SLC41A2: variants seen among roughly 807,000 people sequenced by gnomAD.
The protein encoded by SLC41A2 is solute carrier family 41 member 2, also known as SLC41A1-like 1.
A neutral mutation model predicts 58.3 loss-of-function variants in SLC41A2; 32 were observed. That is an observed-to-expected ratio of 0.55 (90% CI 0.41 to 0.74). The LOEUF is 0.74. Ranked by LOEUF, SLC41A2 falls within the 30% of genes least tolerant of loss-of-function variation. SLC41A2 has a pLI of 0.00. For synonymous variants in SLC41A2, 190 were observed against 235.0 expected (o/e 0.81, Z 1.75); for missense variants, 514 against 680.6 (o/e 0.76, Z 2.72).
At chr12:104,922,371 T>C (rs2046637644) in intron 2 of SLC41A2, among the ~76,000 whole-genome samples, 1 of 152,110 alleles carries the variant, frequency 6.6e-6, no homozygotes, top group Non-Finnish European at 1.5e-5. Flanking sequence ...AGAATAGCTA[T>C]ATTTATGCTA....
At chr12:104,871,833 G>A (rs760635659) in intron 6 of SLC41A2, among the ~76,000 whole-genome samples, 4 of 152,116 alleles carry the variant, frequency 2.6e-5, no homozygotes, top group Non-Finnish European at 4.4e-5. Context: ...AAATAAGAAC[G>A]CAGTTTTGTC....
At chr12:104,899,076 G>A (rs1423832565) in intron 3 of SLC41A2, among the ~76,000 whole-genome samples, 1 of 152,034 alleles carries the variant, frequency 6.6e-6, no homozygotes, top group Non-Finnish European at 1.5e-5. Context: ...CTGATGGTGG[G>A]AATGCAAAAT....
chr12:104,955,534 C>T (rs1427273401), intron 1 of SLC41A2, among the ~76,000 whole-genome samples: 1 of 152,152 alleles, frequency 6.6e-6, no homozygotes, highest in Non-Finnish European at 1.5e-5. Flanking sequence ...CTATAAATTC[C>T]CATTTGCCCA....
chr12:104,913,975 T>A (rs902575781), intron 2 of SLC41A2, among the ~76,000 whole-genome samples: 1 of 152,014 alleles, frequency 6.6e-6, no homozygotes, highest in Non-Finnish European at 1.5e-5. Flanking sequence ...GGCAGGAGAA[T>A]CGCCTGAACC....
At chr12:104,905,635 C>G (rs970925223) in intron 3 of SLC41A2, among the ~76,000 whole-genome samples, 14 of 152,194 alleles carry the variant, frequency 9.2e-5, no homozygotes, top group African/African-American at 2.9e-4. Context: ...GCATGGCAGG[C>G]TGCAGGTCCT....
intron 8 of SLC41A2, among the ~76,000 whole-genome samples, chr12:104,856,877 T>C (rs1452412757): frequency 6.6e-6 from 1 of 151,384 alleles, no homozygotes; most frequent in Non-Finnish European, 1.5e-5. Flanking sequence ...AAGGAATTTC[T>C]CCAGGCAGAA....
intron 2 of SLC41A2, among the ~76,000 whole-genome samples, chr12:104,918,578 T>A (rs1032279343): frequency 1.5e-4 from 21 of 141,930 alleles, no homozygotes; most frequent in Non-Finnish European, 2.1e-4. Context: ...TTAGAAAATA[T>A]ATATATTAAT....
intron 6 of SLC41A2, among the ~76,000 whole-genome samples, chr12:104,884,837 G>C (rs2044577648): frequency 6.6e-6 from 1 of 152,212 alleles, no homozygotes; most frequent in African/African-American, 2.4e-5. Context: ...CAACTGTCTG[G>C]CTGAGAGTGT....
At chr12:104,916,774 T>C (rs1260193170) in intron 2 of SLC41A2, among the ~76,000 whole-genome samples, 5 of 152,320 alleles carry the variant, frequency 3.3e-5, no homozygotes, top group Non-Finnish European at 5.9e-5. Context: ...TAGCCATATG[T>C]AGAAAGCTAA....
chr12:104,876,719 G>A (rs1012248141), intron 6 of SLC41A2, among the ~76,000 whole-genome samples: 1 of 152,142 alleles, frequency 6.6e-6, no homozygotes, highest in African/African-American at 2.4e-5. Flanking sequence ...CCTGGATAAT[G>A]TTCCACGTGC....
At chr12:104,949,984 A>G (rs556073420) in intron 1 of SLC41A2, among the ~76,000 whole-genome samples, 2 of 152,296 alleles carry the variant, frequency 1.3e-5, no homozygotes, top group East Asian at 3.9e-4. Context: ...AATGGTAATC[A>G]GGCAGAAAAC....
intron 1 of SLC41A2, among the ~76,000 whole-genome samples, chr12:104,950,438 C>A (rs562303693): frequency 6.6e-6 from 1 of 152,198 alleles, no homozygotes; most frequent in Non-Finnish European, 1.5e-5. Context: ...CTTCGCCTTC[C>A]GCCATGACTG....
chr12:104,928,024 C>T lies in SLC41A2; in HGVS notation c.504G>A (p.Leu168=). ...IMALQILVPF[L]LAGFGTVSAG... is the part of the protein sequence containing the mutation. ...CTGAAACTGTTCCAAAACCAGCTAG[C>T]AAAAAGGGCACAAGTATTTGCAATG... Residue 168 remains leucine (L), a synonymous_variant, in exon 2 of 11, where the codon TTG becomes TTA. Coordinates refer to ENST00000258538, the MANE Select transcript of SLC41A2 (RefSeq NM_001352171.3). 1 of 1,613,410 alleles carries T rather than the reference C, an allele frequency of 6.2e-7. No individual in the cohort carries two copies. Among genetic ancestry groups the T allele is most frequent in the South Asian group, 1.1e-5 (1 of 90,914 alleles).
In SLC41A2 at chr12:104,866,587, TAAA is replaced by T. The variant is rs34984157; in HGVS notation, c.1028-11_1028-9del. The T allele has an allele frequency of 0.034, 44,365 of 1,308,236 alleles. 71 individuals carry two copies. Among genetic ancestry groups the T allele is most frequent in the East Asian group, 0.17 (7,034 of 40,352 alleles). 81.0% of individuals were successfully genotyped at this position (1,308,236 alleles called of 1,614,324 possible). A position where few individuals can be genotyped will look rare whatever the true frequency, so the allele number is the denominator to read the frequency against. On this transcript the variant is annotated splice_polypyrimidine_tract_variant and intron_variant, in intron 6 of 10. Coordinates refer to ENST00000258538, the MANE Select transcript of SLC41A2 (RefSeq NM_001352171.3). ...AAATGTAGTAATAGGTCTCTAAAAT[TAAA>T]AAAAAAAAAAAAAAGAGAGACAACA...
chr12:104,904,860 C>A (rs887209502), intron 3 of SLC41A2, among the ~76,000 whole-genome samples: 1 of 152,124 alleles, frequency 6.6e-6, no homozygotes, highest in Non-Finnish European at 1.5e-5. Flanking sequence ...AGCGTGGACC[C>A]AAAGAGTGAG....
At chr12:104,879,060 C>A (rs1484708044) in intron 6 of SLC41A2, among the ~76,000 whole-genome samples, 1 of 152,158 alleles carries the variant, frequency 6.6e-6, no homozygotes, top group East Asian at 1.9e-4. Context: ...TCTCTGATGG[C>A]CAGTGATGAT....
intron 1 of SLC41A2, among the ~76,000 whole-genome samples, chr12:104,945,762 T>C (rs926886584): frequency 2.0e-5 from 3 of 152,200 alleles, no homozygotes; most frequent in Admixed American, 2.0e-4. Context: ...TTCATTCTAT[T>C]AATACATCCT....
At chr12:104,878,942 G>C (rs1252712100) in intron 6 of SLC41A2, among the ~76,000 whole-genome samples, 2 of 152,176 alleles carry the variant, frequency 1.3e-5, no homozygotes, top group South Asian at 4.1e-4. Context: ...GTGTAAAAGT[G>C]TTCCTATTTC....
intron 10 of SLC41A2, among the ~76,000 whole-genome samples, chr12:104,824,018 G>A (rs1020306985): frequency 2.0e-5 from 3 of 152,026 alleles, no homozygotes; most frequent in Admixed American, 6.6e-5. Flanking sequence ...ACATTGATAC[G>A]GAAGTGCCAG....
Sources: gnomAD v4.1 joint callset for allele counts (sites outside exome capture counted in the v4.1 genomes callset) on GRCh38, gnomAD v4.1.1 for gene constraint, MANE v1.5 for transcripts, NCBI Gene and HGNC (gene_info 2026-07-23, HGNC 2026-07-21) for gene names.